The following YAE1 variants were observed in gnomAD, a reference collection of about 807,000 sequenced individuals.
YAE1 encodes protein YAE1 homolog.
Under a neutral mutation model 23.0 loss-of-function variants are expected in YAE1, and 22 were observed. The observed-to-expected ratio is 0.96, with a 90% CI of 0.68 to 1.37. YAE1 has a LOEUF of 1.37. Ranked by LOEUF, YAE1 falls within the 40% of genes most tolerant of loss-of-function variation. YAE1 has a pLI of 0.00. For missense variants in YAE1, 260 were observed against 262.1 expected (o/e 0.99, Z 0.06); for synonymous variants, 101 against 97.0 (o/e 1.04, Z -0.24).
chr7:39,586,752 C>G (rs1475902477), intron 2 of YAE1, among the ~76,000 whole-genome samples: 2 of 152,218 alleles, frequency 1.3e-5, no homozygotes, highest in East Asian at 3.9e-4. Flanking sequence ...TCACCTCGGC[C>G]TCCCAAAGTG....
intron 1 of YAE1, 134 bp downstream of exon 1, chr7:39,566,681 C>T: frequency 1.6e-6 from 2 of 1,234,298 alleles, no homozygotes; most frequent in Non-Finnish European, 2.2e-6. Context: ...GTCCGACCCG[C>T]GTCTTGCTAG....
chr7:39,594,250 G>A (rs935177696), intron 2 of YAE1, among the ~76,000 whole-genome samples: 12 of 152,040 alleles, frequency 7.9e-5, no homozygotes, highest in Admixed American at 3.9e-4. Flanking sequence ...CACAAACTGG[G>A]GCTCCTCATC....
In YAE1 at chr7:39,572,424, A is replaced by T; in HGVS notation, c.399A>T (p.Leu133Phe). 3.1e-6 allele frequency: 5 copies of T among 1,614,182 alleles called. No individual in the cohort carries two copies. Among genetic ancestry groups the T allele is most frequent in the Non-Finnish European group, 4.2e-6 (5 of 1,179,996 alleles). Residue 133 changes from leucine to phenylalanine, a missense_variant, in exon 3 of 3, where the codon TTA becomes TTT. Coordinates refer to ENST00000223273, the MANE Select transcript of YAE1 (RefSeq NM_020192.5). ...CTCCACCGTCCCATGTTGTAGATTT[A>T]TTGGACTCCATTGAGGATATGGACC... ...SITPPSHVVD[L>F]LDSIEDMDLC...
intron 2 of YAE1, among the ~76,000 whole-genome samples, chr7:39,578,331 C>G (rs966412185): frequency 3.9e-5 from 6 of 152,298 alleles, no homozygotes; most frequent in African/African-American, 1.4e-4. Flanking sequence ...TAAAATGGAC[C>G]AATCAGCAAG....
At chr7:39,575,577 A>AGAGAGAGAGTGT (rs1173016799), downstream of YAE1, among the ~76,000 whole-genome samples, 1 of 80,206 alleles carries the variant, frequency 1.2e-5, no homozygotes, top group African/African-American at 8.3e-5. Flanking sequence ...AGAGAGAGAG[A>AGAGAGAGAGTGT]GTGAGTGTGT....
At chr7:39,607,460 T>TGAAG (rs925933389) in intron 2 of YAE1, among the ~76,000 whole-genome samples, 1 of 127,254 alleles carries the variant, frequency 7.9e-6, no homozygotes, top group Non-Finnish European at 1.5e-5. Context: ...GATTTGAAAG[T>TGAAG]GAAGGAAGGA....
chr7:39,607,630 G>A (rs61493712), intron 2 of YAE1, among the ~76,000 whole-genome samples: 41,325 of 152,100 alleles, frequency 0.27, 7,310 homozygotes, highest in African/African-American at 0.51. Flanking sequence ...AATTGATCAC[G>A]GCAGCAATAG....
At chr7:39,604,179 A>T (rs1791095589) in intron 2 of YAE1, among the ~76,000 whole-genome samples, 2 of 152,242 alleles carry the variant, frequency 1.3e-5, no homozygotes, top group Admixed American at 6.5e-5. Flanking sequence ...GTGCCTGTCA[A>T]CACATCCACA....
intron 1 of YAE1, 157 bp downstream of exon 1, chr7:39,566,704 GT>G: frequency 9.4e-7 from 1 of 1,063,930 alleles, no homozygotes; most frequent in Non-Finnish European, 1.3e-6. Flanking sequence ...TTTCTCGATG[GT>G]TACTTGAAAG....
At chr7:39,611,547 G>C (rs1477235029), downstream of YAE1, among the ~76,000 whole-genome samples, 2 of 152,276 alleles carry the variant, frequency 1.3e-5, no homozygotes, top group East Asian at 3.9e-4. Flanking sequence ...TGAATCCTTT[G>C]GTCAGGTTCC....
In YAE1 at chr7:39,591,904, G is replaced by A. The variant is rs147001208; in HGVS notation, c.252-17713G>A. On this transcript the variant is annotated intron_variant, in intron 2 of 2. Coordinates refer to the YAE1 transcript ENST00000432096. ...ACACTTATGTATTTTTGCCTTTTCCGGAATGTCACATACTGTAGTTGGAAT... is the reference window on the plus strand; with the variant it reads ...ACACTTATGTATTTTTGCCTTTTCCAGAATGTCACATACTGTAGTTGGAAT... Among the ~76,000 whole-genome samples, 429 of 152,122 alleles carry A rather than the reference G, an allele frequency of 2.8e-3. 2 individuals carry two copies. The highest frequency in any genetic ancestry group is 9.4e-3 in the African/African-American group (390 of 41,490).
At chr7:39,611,151 GAA>G (rs367630257), downstream of YAE1, among the ~76,000 whole-genome samples, 1,512 of 133,862 alleles carry the variant, frequency 0.011, 27 homozygotes, top group African/African-American at 0.039. Flanking sequence ...CCATCTCAAA[GAA>G]AAAAAAAAAA....
chr7:39,569,993 A>G lies in YAE1; in HGVS notation c.130-513A>G. 2.2e-6 allele frequency: 3 copies of G among 1,363,104 alleles called. No homozygotes were observed. The South Asian group carries it at 3.5e-5, about 16-fold the overall frequency. 84.4% of individuals were successfully genotyped at this position (1,363,104 alleles called of 1,614,324 possible). On this transcript the variant is annotated intron_variant, in intron 1 of 2. Transcript: ENST00000223273. The stretch of plus-strand genomic sequence containing the variant: ...CCTCAGATCTTCTCCCCATTCAGCA[A>G]AACTTTCCCATTCCGGTTAATGGTT...
chr7:39,602,048 A>G (rs1263675729), intron 2 of YAE1, among the ~76,000 whole-genome samples: 1 of 152,226 alleles, frequency 6.6e-6, no homozygotes, highest in African/African-American at 2.4e-5. Flanking sequence ...TTTAGAAAAA[A>G]TTGTGTTACC....
chr7:39,572,687 A>G lies in YAE1; in HGVS notation c.662A>G (p.Gln221Arg), dbSNP rs768638568. The G allele has an allele frequency of 5.1e-5, 80 of 1,574,470 alleles. No homozygotes were observed. The highest frequency in any genetic ancestry group is 6.7e-5 in the Non-Finnish European group (78 of 1,165,876). Residue 221 changes from glutamine to arginine, a missense_variant, in exon 3 of 3, where the codon CAA (glutamine) becomes CGA (arginine). Physicochemically the swap from Gln to Arg is conservative, Grantham distance 43. Transcript: ENST00000223273. ...KQLGLSVDVL[Q>R]HLKQL ...CTGGGCCTATCAGTAGATGTATTAC[A>G]ACACCTCAAACAACTATAAAATTAC...
At chr7:39,582,967 C>T (rs1024744148) in intron 2 of YAE1, among the ~76,000 whole-genome samples, 9 of 152,142 alleles carry the variant, frequency 5.9e-5, no homozygotes, top group Non-Finnish European at 1.3e-4. Context: ...CATTTATATA[C>T]ATTTACGTAA....
intron 2 of YAE1, among the ~76,000 whole-genome samples, chr7:39,601,590 T>C (rs1283650948): frequency 1.3e-5 from 2 of 151,950 alleles, no homozygotes; most frequent in Non-Finnish European, 2.9e-5. Flanking sequence ...TGAAACCCCA[T>C]CTCTACTAAA....
chr7:39,596,772 C>G (rs1159896267), intron 2 of YAE1, among the ~76,000 whole-genome samples: 1 of 152,212 alleles, frequency 6.6e-6, no homozygotes, highest in East Asian at 1.9e-4. Context: ...TCTCACTTGA[C>G]TTTGTATCTT....
exon 3 of YAE1, chr7:39,609,879 C>G (rs866573267): frequency 6.5e-7 from 1 of 1,534,214 alleles, no homozygotes; most frequent in Admixed American, 2.0e-5. Context: ...CAAACCCCAC[C>G]GCGACCCTGC....
Sources: gnomAD v4.1 joint callset for allele counts (sites outside exome capture counted in the v4.1 genomes callset) on GRCh38, gnomAD v4.1.1 for gene constraint, MANE v1.5 for transcripts, NCBI Gene and HGNC (gene_info 2026-07-23, HGNC 2026-07-21) for gene names.